SLC38A12: variants seen among roughly 807,000 people sequenced by gnomAD.
The protein encoded by SLC38A12 is putative sodium-coupled neutral amino acid transporter 12.
the SLC38A12 span, among the ~76,000 whole-genome samples, chr17:74,821,810 C>G: frequency 2.0e-5 from 3 of 152,214 alleles, no homozygotes; most frequent in African/African-American, 7.2e-5. Flanking sequence ...AGTCTGGCCC[C>G]TACCCTGTGT....
the SLC38A12 span, among the ~76,000 whole-genome samples, chr17:74,797,907 C>T: frequency 6.6e-6 from 1 of 152,300 alleles, no homozygotes; most frequent in African/African-American, 2.4e-5. Flanking sequence ...ATCAAGTGGC[C>T]CCTTGGGCCC....
At chr17:74,790,410 G>T in the SLC38A12 span, 2 of 934,554 alleles carry the variant, frequency 2.1e-6, no homozygotes, top group Non-Finnish European at 3.4e-6. Flanking sequence ...TCCTGCCCCT[G>T]GGTTCTGAGG....
chr17:74,833,454 C>T, the SLC38A12 span, among the ~76,000 whole-genome samples: 1 of 152,240 alleles, frequency 6.6e-6, no homozygotes, highest in South Asian at 2.1e-4. Flanking sequence ...TGTGTGTGTA[C>T]AGCCGTCTCA....
At chr17:74,831,126 A>G in the SLC38A12 span, among the ~76,000 whole-genome samples, 4 of 151,702 alleles carry the variant, frequency 2.6e-5, no homozygotes, top group African/African-American at 9.7e-5. Context: ...CCCCTCTGGG[A>G]CCCCCACCAC....
the SLC38A12 span, among the ~76,000 whole-genome samples, chr17:74,809,436 C>T: frequency 9.5e-4 from 145 of 152,254 alleles, 1 homozygote; most frequent in Non-Finnish European, 1.7e-3. Flanking sequence ...GCCACAGTGG[C>T]TCTGGACTGT....
chr17:74,803,305 A>G, the SLC38A12 span, among the ~76,000 whole-genome samples: 1 of 152,228 alleles, frequency 6.6e-6, no homozygotes, highest in Non-Finnish European at 1.5e-5. Flanking sequence ...CTGGAGAAAC[A>G]GGCAGGCAGG....
chr17:74,790,841 G>T, the SLC38A12 span: 2 of 811,166 alleles, frequency 2.5e-6, no homozygotes, highest in Non-Finnish European at 1.9e-6. Context: ...AAGTTTTCTC[G>T]AGTTTGGACA....
the SLC38A12 span, among the ~76,000 whole-genome samples, chr17:74,779,988 G>A: frequency 6.6e-6 from 1 of 152,232 alleles, no homozygotes; most frequent in African/African-American, 2.4e-5. Context: ...AGGGATCTCA[G>A]GATAGGCATG....
the SLC38A12 span, among the ~76,000 whole-genome samples, chr17:74,831,081 C>T: frequency 6.6e-6 from 1 of 152,228 alleles, no homozygotes; most frequent in African/African-American, 2.4e-5. Flanking sequence ...GGAACGGCTC[C>T]GAAAGGTCCT....
chr17:74,794,720 C>T, the SLC38A12 span, among the ~76,000 whole-genome samples: 1 of 152,110 alleles, frequency 6.6e-6, no homozygotes, highest in Non-Finnish European at 1.5e-5. Flanking sequence ...CCAAGACTCA[C>T]ACTCACCGTG....
At chr17:74,790,129 A>G in the SLC38A12 span, 2 of 1,275,280 alleles carry the variant, frequency 1.6e-6, no homozygotes, top group East Asian at 2.3e-5. Flanking sequence ...AACATTCTGT[A>G]CTTTTTTGAT....
At chr17:74,785,367 C>T in the SLC38A12 span, 372 of 1,442,398 alleles carry the variant, frequency 2.6e-4, no homozygotes, top group Non-Finnish European at 3.4e-4. Flanking sequence ...TCCCTGTCTA[C>T]AGTGTGGCCT....
chr17:74,839,463 C>T, the SLC38A12 span: 1 of 237,496 alleles, frequency 4.2e-6, no homozygotes, highest in Non-Finnish European at 8.3e-6. Context: ...GGTTAAGGGC[C>T]ACTGGAAAGC....
the SLC38A12 span, chr17:74,777,606 A>G: frequency 1.3e-6 from 2 of 1,496,196 alleles, no homozygotes; most frequent in Admixed American, 4.0e-5. Flanking sequence ...AAGCCAAACA[A>G]AATCGCCATG....
the SLC38A12 span, chr17:74,838,807 C>T: frequency 1.5e-5 from 22 of 1,506,096 alleles, no homozygotes; most frequent in South Asian, 2.1e-4. Flanking sequence ...TGGCTCTCCA[C>T]GTGCATCCGG....
At chr17:74,836,623 T>G in the SLC38A12 span, 1 of 1,612,950 alleles carries the variant, frequency 6.2e-7, no homozygotes, top group Non-Finnish European at 8.5e-7. This position sits in a 1 kb window ranked among gnomAD's most constrained non-coding sequence, Gnocchi z 4.2. Context: ...TTCGTGCTGC[T>G]CTGGGCTTTC....
At chr17:74,837,084 C>G in the SLC38A12 span, 1 of 1,005,044 alleles carries the variant, frequency 9.9e-7, no homozygotes, top group South Asian at 4.6e-5. Flanking sequence ...ATGCCCCTCC[C>G]CTCTCCTGCC....
chr17:74,835,883 C>A, the SLC38A12 span: 1 of 1,556,106 alleles, frequency 6.4e-7, no homozygotes, highest in Non-Finnish European at 8.7e-7. Context: ...CAAGGTAGGG[C>A]CGTGCCTGTC....
the SLC38A12 span, among the ~76,000 whole-genome samples, chr17:74,808,120 C>T: frequency 6.6e-6 from 1 of 152,350 alleles, no homozygotes; most frequent in Non-Finnish European, 1.5e-5. Context: ...GGCTTTTCAG[C>T]CGAGAAAGAG....
Sources: gnomAD v4.1 joint callset for allele counts (sites outside exome capture counted in the v4.1 genomes callset) on GRCh38, gnomAD v4.1.1 for gene constraint, Gnocchi (gnomAD v3.1) non-coding constraint, MANE v1.5 for transcripts, NCBI Gene and HGNC (gene_info 2026-07-23, HGNC 2026-07-21) for gene names.